Variants in TBCD observed in about 807,000 individuals in gnomAD.
TBCD encodes the protein tubulin-specific chaperone D.
Under a neutral mutation model 169.3 loss-of-function variants are expected in TBCD, and 105 were observed. That is an observed-to-expected ratio of 0.62 (90% CI 0.53 to 0.73). The LOEUF (loss-of-function observed/expected upper bound fraction) is 0.73, where lower values mean the gene tolerates loss of function less well. TBCD is among the 30% of genes least tolerant of loss of function. The pLI, the probability that TBCD is intolerant of heterozygous loss-of-function variation, is 0.00. For missense variants in TBCD, 1,444 were observed against 1,600.1 expected (o/e 0.90, Z 1.66); for synonymous variants, 700 against 643.9 (o/e 1.09, Z -1.32).
At position 82,874,741 on chromosome 17, in the gene TBCD, T is replaced by A. The variant is rs1032492495; in HGVS notation, c.1475+4361T>A. On this transcript the variant is annotated intron_variant, in intron 14 of 38. Coordinates refer to ENST00000355528, the MANE Select transcript of TBCD (RefSeq NM_005993.5). This position sits in a 1 kb window ranked among gnomAD's most constrained non-coding sequence, Gnocchi z 5.0. The stretch of plus-strand genomic sequence containing the variant: ...GTGTGGGATGCTGCTGGTGCGAGCC[T>A]CCCTGCCCAGGAGCCCTGCGCACCC... 6.6e-6 allele frequency among the ~76,000 whole-genome samples: 1 copy of A among 152,178 alleles called. No homozygotes were observed. Among genetic ancestry groups the A allele is most frequent in the East Asian group, 1.9e-4 (1 of 5,192 alleles).
chr17:82,902,808 G>T (rs2059979581), intron 18 of TBCD, among the ~76,000 whole-genome samples: 1 of 152,208 alleles, frequency 6.6e-6, no homozygotes, highest in Non-Finnish European at 1.5e-5. Flanking sequence ...GCTCCAGCTG[G>T]GTCTGGAGGG....
chr17:82,822,051 G>A (rs2052459292), intron 13 of TBCD, among the ~76,000 whole-genome samples: 1 of 152,212 alleles, frequency 6.6e-6, no homozygotes, highest in Admixed American at 6.5e-5. Flanking sequence ...AGCTGCCTTG[G>A]GGTCTTGTTA....
intron 6 of TBCD, among the ~76,000 whole-genome samples, chr17:82,778,966 C>T (rs2048772887): frequency 6.7e-6 from 1 of 148,708 alleles, no homozygotes; most frequent in African/African-American, 2.5e-5. Context: ...CCGGCCATGC[C>T]TGGCTAATTT....
intron 13 of TBCD, among the ~76,000 whole-genome samples, chr17:82,848,115 C>T (rs913849986): frequency 6.6e-6 from 1 of 152,150 alleles, no homozygotes; most frequent in African/African-American, 2.4e-5. Flanking sequence ...GCAGGGCTGG[C>T]AGTTTCTGGG....
chr17:82,874,913 T>C lies in TBCD; in HGVS notation c.1475+4533T>C, dbSNP rs1315255743. On this transcript the variant is annotated intron_variant, in intron 14 of 38. Coordinates refer to ENST00000355528, the MANE Select transcript of TBCD (RefSeq NM_005993.5). This position sits in a 1 kb window ranked among gnomAD's most constrained non-coding sequence, Gnocchi z 5.0. ...TAACTTTCACAAGTTCTTCGGTGGGTCCTGTAACAGTGGGTGCTTGGGATC... is the reference window on the plus strand; with the variant it reads ...TAACTTTCACAAGTTCTTCGGTGGGCCCTGTAACAGTGGGTGCTTGGGATC... Among the ~76,000 whole-genome samples, 2 of 152,216 alleles carry C rather than the reference T, an allele frequency of 1.3e-5. No individual in the cohort carries two copies. The highest frequency in any genetic ancestry group is 4.8e-5 in the African/African-American group (2 of 41,450).
In TBCD at chr17:82,942,839, C is replaced by T. The variant is rs558342679; in HGVS notation, c.*376C>T. On this transcript the variant is annotated 3_prime_UTR_variant, in exon 39 of 39. Transcript: ENST00000355528. The stretch of plus-strand genomic sequence containing the variant: ...AGGCCCCCTTCTTGCCTGGTGCTGT[C>T]CCTGCTGTGGGAGACGTCTGGCCAC... 53 of 342,154 alleles carry T rather than the reference C, an allele frequency of 1.5e-4. No individual in the cohort carries two copies. Among genetic ancestry groups the T allele is most frequent in the African/African-American group, 8.3e-4 (39 of 47,094 alleles). 21.2% of individuals were successfully genotyped at this position (342,154 alleles called of 1,614,324 possible).
rs373604816 is a variant in TBCD at position 82,870,229 on chromosome 17, G to A, written c.1324G>A (p.Ala442Thr). ...LLPSRLVDVVAVILKALTYDE... is the reference protein window; with the variant it reads ...LLPSRLVDVVTVILKALTYDE... ...TTTCTCTTGTCCTTGCCCAGTTGTC[G>A]CCGTGATCCTGAAGGCGCTGACCTA... The change falls in exon 14 of 39, where the codon GCC (alanine) becomes ACC (threonine). Residue 442 changes from alanine to threonine, a missense_variant. Coordinates refer to ENST00000355528, the MANE Select transcript of TBCD (RefSeq NM_005993.5). 1.3e-4 allele frequency: 206 copies of A among 1,612,704 alleles called. No individual in the cohort carries two copies. The highest frequency in any genetic ancestry group is 1.6e-4 in the Middle Eastern group (1 of 6,084).
intron 8 of TBCD, among the ~76,000 whole-genome samples, chr17:82,798,482 A>G (rs924677309): frequency 1.3e-5 from 2 of 151,918 alleles, no homozygotes; most frequent in Non-Finnish European, 2.9e-5. Flanking sequence ...GGGTTTCACC[A>G]TGTTGGCCAG....
In TBCD at chr17:82,789,490, A is replaced by AGCTGG. The variant is rs1263294119; in HGVS notation, c.771+7779_771+7783dup. Reference sequence around the variant, plus strand: ...TTAGATGAGGAAGAGACAGGCAGAGAGCTGGGCTGGGCTGCTGCTGAGTGG... The same window carrying AGCTGG: ...TTAGATGAGGAAGAGACAGGCAGAGAGCTGGGCTGGGCTGGGCTGCTGCTGAGTGG... On this transcript the variant is annotated intron_variant, in intron 7 of 38. Coordinates refer to ENST00000355528, the MANE Select transcript of TBCD (RefSeq NM_005993.5). This position sits in a 1 kb window ranked among gnomAD's most constrained non-coding sequence, Gnocchi z 4.8. Among the ~76,000 whole-genome samples the AGCTGG allele has an allele frequency of 5.3e-5, 8 of 152,144 alleles. No homozygotes were observed. The highest frequency in any genetic ancestry group is 1.2e-4 in the Non-Finnish European group (8 of 68,020).
At chr17:82,941,578 G>C in intron 38 of TBCD, 95 bp downstream of exon 38, 1 of 1,112,090 alleles carries the variant, frequency 9.0e-7, no homozygotes, top group Non-Finnish European at 1.3e-6. Flanking sequence ...CTGCCAGCAC[G>C]TCCACACGGC....
At chr17:82,767,255 CGGCGTGGATGT>C (rs2048060337) in intron 4 of TBCD, among the ~76,000 whole-genome samples, 1 of 152,028 alleles carries the variant, frequency 6.6e-6, no homozygotes, top group Admixed American at 6.5e-5. Flanking sequence ...TGGCTTGTCT[CGGCGTGGATGT>C]GACTGATGAG....
At chr17:82,931,215 G>C (rs868814080) in intron 33 of TBCD, among the ~76,000 whole-genome samples, 7 of 152,356 alleles carry the variant, frequency 4.6e-5, no homozygotes, top group African/African-American at 1.7e-4. Context: ...GCGGGGCCTC[G>C]GCAGCCTCTC....
chr17:82,920,879 G>A lies in TBCD; in HGVS notation c.2101+261G>A, dbSNP rs1027708929. 4.1e-6 allele frequency: 2 copies of A among 492,534 alleles called. No individual in the cohort carries two copies. Among genetic ancestry groups the A allele is most frequent in the East Asian group, 3.8e-5 (1 of 26,460 alleles). 30.5% of individuals were successfully genotyped at this position (492,534 alleles called of 1,614,324 possible). On this transcript the variant is annotated intron_variant, in intron 24 of 38. Transcript: ENST00000355528. This position sits in a 1 kb window ranked among gnomAD's most constrained non-coding sequence, Gnocchi z 4.1. Reference sequence around the variant, plus strand: ...CTCCTCGCTTCCATGCCCAGGGCCCGGCACTCTGGGTCAGTTCTTCTCCCA... The same window carrying A: ...CTCCTCGCTTCCATGCCCAGGGCCCAGCACTCTGGGTCAGTTCTTCTCCCA...
intron 13 of TBCD, among the ~76,000 whole-genome samples, chr17:82,863,424 A>T (rs1567912321): frequency 6.6e-6 from 1 of 152,192 alleles, no homozygotes. Flanking sequence ...TCCTAGGGAA[A>T]GCTCTCCGAG....
At position 82,814,935 on chromosome 17, in the gene TBCD, G is replaced by A; in HGVS notation, c.1318+1G>A. 1 of 1,611,156 alleles carries A rather than the reference G, an allele frequency of 6.2e-7. No homozygotes were observed. The highest frequency in any genetic ancestry group is 8.5e-7 in the Non-Finnish European group (1 of 1,179,142). On this transcript the variant is annotated splice_donor_variant, in intron 13 of 38. Coordinates refer to ENST00000355528, the MANE Select transcript of TBCD (RefSeq NM_005993.5). LOFTEE classifies it high-confidence loss of function. ...TTGCTGCCGTCTCGACTCGTGGATG[G>A]TGAGTAGCTGAGGCACGGTCAGGGG...
intron 38 of TBCD, 92 bp from the exon 39 acceptor site, chr17:82,942,357 C>A: frequency 6.3e-7 from 1 of 1,579,550 alleles, no homozygotes; most frequent in Non-Finnish European, 8.7e-7. Flanking sequence ...CGTGTCAGTC[C>A]CCACACAGGG....
Position 82,884,973 on chromosome 17 carries a change from G to C in TBCD, c.1533+771G>C, listed in dbSNP as rs1331266954. The C allele has an allele frequency of 1.3e-5, 2 of 152,408 alleles. No homozygotes were observed. The highest frequency in any genetic ancestry group is 2.9e-5 in the Non-Finnish European group (2 of 68,192). 9.4% of individuals were successfully genotyped at this position (152,408 alleles called of 1,614,324 possible). On this transcript the variant is annotated intron_variant, in intron 15 of 38. Coordinates refer to ENST00000355528, the MANE Select transcript of TBCD (RefSeq NM_005993.5). The surrounding 1 kb of genome is among the most constrained non-coding windows in gnomAD (Gnocchi z 4.2). ...GAGGCAGCCCTTTGAGAAAGATGGA[G>C]GGGTGAGGTTGGCTTTTGGTGATGG...
At chr17:82,879,718 C>G (rs1021283675) in intron 14 of TBCD, among the ~76,000 whole-genome samples, 1 of 152,228 alleles carries the variant, frequency 6.6e-6, no homozygotes, top group Non-Finnish European at 1.5e-5. Flanking sequence ...CCGTCTCCCC[C>G]AAAAACTCCC....
chr17:82,766,940 G>T (rs570122432), intron 4 of TBCD, among the ~76,000 whole-genome samples: 1 of 152,328 alleles, frequency 6.6e-6, no homozygotes, highest in South Asian at 2.1e-4. Flanking sequence ...GAGACTTGGT[G>T]CCCAGAGCTT....
Sources: gnomAD v4.1 joint callset for allele counts (sites outside exome capture counted in the v4.1 genomes callset) on GRCh38, gnomAD v4.1.1 for gene constraint, Gnocchi (gnomAD v3.1) non-coding constraint, MANE v1.5 for transcripts, NCBI Gene and HGNC (gene_info 2026-07-23, HGNC 2026-07-21) for gene names.